The following SRBD1 variants were observed in gnomAD, a reference collection of about 807,000 sequenced individuals.
The protein encoded by SRBD1 is S1 RNA binding domain 1, also known as S1 RNA-binding domain-containing protein 1.
Under a neutral mutation model 115.3 loss-of-function variants are expected in SRBD1, and 88 were observed. The ratio of observed to expected loss-of-function variants is 0.76; its 90% confidence interval spans 0.64 to 0.91. The LOEUF is 0.91. Ranked by LOEUF, SRBD1 falls within the 40% of genes least tolerant of loss-of-function variation. The pLI, the probability that SRBD1 is intolerant of heterozygous loss-of-function variation, is 0.00. For synonymous variants in SRBD1, 509 were observed against 407.7 expected (o/e 1.25, Z -2.99); for missense variants, 1,385 against 1,177.4 (o/e 1.18, Z -2.58).
intron 10 of SRBD1, among the ~76,000 whole-genome samples, chr2:45,557,370 C>T (rs933992770): frequency 2.6e-5 from 4 of 152,172 alleles, no homozygotes; most frequent in African/African-American, 9.7e-5. Flanking sequence ...AGGTGTTGCC[C>T]TTTAAGCCAC....
At position 45,414,546 on chromosome 2, in the gene SRBD1, G is replaced by GTGTGTATATAGTGTGTGTACACAC. The variant is rs1558562879; in HGVS notation, c.2334-1254_2334-1253insGTGTGTACACACACTATATACACA. On this transcript the variant is annotated intron_variant, in intron 18 of 20. Coordinates refer to ENST00000263736, the MANE Select transcript of SRBD1 (RefSeq NM_018079.5). ...TGTATATAGTGTGTGTACACACATA[G>GTGTGTATATAGTGTGTGTACACAC]TGTCTGTAGTGTGTGTACACACATA... Among the ~76,000 whole-genome samples, 193 of 117,388 alleles carry GTGTGTATATAGTGTGTGTACACAC rather than the reference G, an allele frequency of 1.6e-3. 2 individuals carry two copies. Among genetic ancestry groups the GTGTGTATATAGTGTGTGTACACAC allele is most frequent in the African/African-American group, 7.5e-3 (182 of 24,178 alleles). 77.0% of individuals were successfully genotyped at this position (117,388 alleles called of 152,430 possible). A position where few individuals can be genotyped will look rare whatever the true frequency, so the allele number is the denominator to read the frequency against.
At chr2:45,477,870 T>C (rs1030157681) in intron 15 of SRBD1, among the ~76,000 whole-genome samples, 1 of 152,168 alleles carries the variant, frequency 6.6e-6, no homozygotes, top group African/African-American at 2.4e-5. Flanking sequence ...TACATCCCTT[T>C]CTTGACCATT....
Position 45,532,447 on chromosome 2 carries a change from T to C in SRBD1, c.1874+14285A>G, listed in dbSNP as rs567673939. The stretch of plus-strand genomic sequence containing the variant: ...GGTCACGTCTAGAATTACAGCACTG[T>C]AGGTACCTGATGAAATAGGGATTAA... On this transcript the variant is annotated intron_variant, in intron 14 of 20. Transcript: ENST00000263736. Among the ~76,000 whole-genome samples the C allele has an allele frequency of 3.1e-4, 47 of 151,926 alleles. 2 individuals carry two copies. The highest frequency in any genetic ancestry group is 6.5e-4 in the Non-Finnish European group (44 of 67,888).
intron 15 of SRBD1, among the ~76,000 whole-genome samples, chr2:45,483,008 C>T (rs1021576891): frequency 6.6e-6 from 1 of 151,980 alleles, no homozygotes; most frequent in African/African-American, 2.4e-5. Context: ...ACTGTTGAAT[C>T]CGTGGGCACG....
chr2:45,421,066 A>C (rs990357520), intron 16 of SRBD1, among the ~76,000 whole-genome samples: 1 of 152,196 alleles, frequency 6.6e-6, no homozygotes, highest in African/African-American at 2.4e-5. Context: ...TTTGTTAACT[A>C]AAACAGTGAA....
intron 9 of SRBD1, among the ~76,000 whole-genome samples, chr2:45,570,712 G>T (rs1672979662): frequency 6.6e-6 from 1 of 152,276 alleles, no homozygotes; most frequent in East Asian, 1.9e-4. Flanking sequence ...CTCAGCAGTG[G>T]CCTCTGAAGA....
intron 16 of SRBD1, among the ~76,000 whole-genome samples, chr2:45,443,327 A>C (rs957491183): frequency 2.0e-5 from 3 of 152,188 alleles, no homozygotes; most frequent in African/African-American, 7.2e-5. Flanking sequence ...AGGAAGAATA[A>C]AGAATCTTAA....
chr2:45,418,862 G>C (rs112479713), intron 17 of SRBD1, among the ~76,000 whole-genome samples: 1 of 152,052 alleles, frequency 6.6e-6, no homozygotes, highest in African/African-American at 2.4e-5. Flanking sequence ...TATGTTTCTG[G>C]ATAAAGTAAT....
At chr2:45,534,727 A>G (rs1419620134) in intron 14 of SRBD1, among the ~76,000 whole-genome samples, 1 of 151,946 alleles carries the variant, frequency 6.6e-6, no homozygotes, top group Non-Finnish European at 1.5e-5. Flanking sequence ...AACACCAACC[A>G]CATCTTTTCC....
At chr2:45,417,872 A>G (rs964108134) in intron 18 of SRBD1, among the ~76,000 whole-genome samples, 1 of 152,102 alleles carries the variant, frequency 6.6e-6, no homozygotes, top group African/African-American at 2.4e-5. Flanking sequence ...GCTATGCCCT[A>G]ATTGTGTGGG....
intron 14 of SRBD1, among the ~76,000 whole-genome samples, chr2:45,542,225 C>G (rs1186545146): frequency 6.6e-6 from 1 of 152,258 alleles, no homozygotes; most frequent in East Asian, 1.9e-4. Flanking sequence ...GCCTCGAGTG[C>G]AGGCACACCT....
At chr2:45,586,180 T>G (rs1490048855) in intron 4 of SRBD1, among the ~76,000 whole-genome samples, 1 of 152,194 alleles carries the variant, frequency 6.6e-6, no homozygotes, top group Non-Finnish European at 1.5e-5. Flanking sequence ...AAATTTACAA[T>G]GCATAAACAA....
intron 14 of SRBD1, among the ~76,000 whole-genome samples, chr2:45,517,032 C>T (rs1443688036): frequency 6.6e-6 from 1 of 152,110 alleles, no homozygotes; most frequent in African/African-American, 2.4e-5. Context: ...AGCCCAATAG[C>T]TAAAAACATA....
intron 16 of SRBD1, among the ~76,000 whole-genome samples, chr2:45,474,753 C>T (rs766033701): frequency 5.3e-5 from 8 of 152,156 alleles, no homozygotes; most frequent in Non-Finnish European, 7.3e-5. Flanking sequence ...TGTGATTCCC[C>T]ATGCTTAGTA....
At chr2:45,396,884 A>G (rs1337908536) in intron 19 of SRBD1, among the ~76,000 whole-genome samples, 1 of 152,190 alleles carries the variant, frequency 6.6e-6, no homozygotes, top group African/African-American at 2.4e-5. Context: ...TGGTGATGCA[A>G]CACAATCACT....
At chr2:45,499,635 C>T (rs755065010) in intron 14 of SRBD1, among the ~76,000 whole-genome samples, 7 of 152,140 alleles carry the variant, frequency 4.6e-5, no homozygotes, top group Admixed American at 2.6e-4. Context: ...TCAGGTCTTA[C>T]ATTTAAGTCT....
At chr2:45,492,082 A>C (rs1209393760) in intron 14 of SRBD1, among the ~76,000 whole-genome samples, 1 of 152,194 alleles carries the variant, frequency 6.6e-6, no homozygotes. Context: ...CAGCCTCCCA[A>C]AGGGCTGGGA....
intron 11 of SRBD1, 44 bp downstream of exon 11, chr2:45,553,579 T>C (rs974047356): frequency 7.6e-7 from 1 of 1,313,574 alleles, no homozygotes. Flanking sequence ...TAGTATCATA[T>C]AACAATAATC....
At chr2:45,605,771 G>A (rs1283245294) in intron 1 of SRBD1, among the ~76,000 whole-genome samples, 4 of 152,024 alleles carry the variant, frequency 2.6e-5, no homozygotes, top group Admixed American at 1.3e-4. Flanking sequence ...AGGTGTGGTC[G>A]TGGGCACCTG....
Sources: allele counts gnomAD v4.1 joint callset (sites outside exome capture counted in the v4.1 genomes callset), GRCh38; gene constraint gnomAD v4.1.1; transcripts MANE v1.5; gene names NCBI Gene and HGNC (gene_info 2026-07-23, HGNC 2026-07-21).